Variants in TUBA1C observed in about 807,000 individuals in gnomAD.
TUBA1C encodes tubulin alpha 1c.
In TUBA1C, 16 loss-of-function variants were observed where a neutral mutation model predicts 34.9. That is an observed-to-expected ratio of 0.46 (90% CI 0.31 to 0.70). The LOEUF is 0.70. Ranked by LOEUF, TUBA1C falls within the 30% of genes least tolerant of loss-of-function variation. The probability of loss-of-function intolerance (pLI) is 0.05; values close to 1 mark genes in which losing one functional copy is unlikely to be tolerated. For synonymous variants in TUBA1C, 177 were observed against 215.9 expected (o/e 0.82, Z 1.58); for missense variants, 329 against 587.3 (o/e 0.56, Z 4.55).
At chr12:49,257,212 G>A (rs1942793637) in intron 1 of TUBA1C, among the ~76,000 whole-genome samples, 1 of 151,840 alleles carries the variant, frequency 6.6e-6, no homozygotes, top group African/African-American at 2.4e-5. Flanking sequence ...AACCTCCTGA[G>A]GGAAGGGTTG....
At chr12:49,251,044 A>G (rs1942727254) in intron 1 of TUBA1C, among the ~76,000 whole-genome samples, 1 of 151,972 alleles carries the variant, frequency 6.6e-6, no homozygotes, top group Non-Finnish European at 1.5e-5. Context: ...CGTCTCAACC[A>G]AAATGTACAA....
intron 1 of TUBA1C, among the ~76,000 whole-genome samples, chr12:49,246,533 G>C (rs1000983127): frequency 6.6e-6 from 1 of 151,896 alleles, no homozygotes; most frequent in African/African-American, 2.4e-5. Context: ...CAATTAGCCG[G>C]GTGTGGTGGC....
chr12:49,272,578 T>C lies in TUBA1C; in HGVS notation c.701T>C (p.Ile234Thr), dbSNP rs1359390581. The change falls in exon 4 of 4, where the codon ATT (isoleucine) becomes ACT (threonine). Residue 234 changes from isoleucine to threonine, a missense_variant. Ile to Thr is a moderately conservative substitution (Grantham distance 89, BLOSUM62 -1). Transcript: ENST00000301072. ...AACCTTAACCGCCTTATTAGCCAGA[T>C]TGTGTCCTCCATCACTGCTTCCCTG... The part of the protein sequence containing the change: ...YTNLNRLISQ[I>T]VSSITASLRF... 8 of 1,607,988 alleles carry C rather than the reference T, an allele frequency of 5.0e-6. No individual in the cohort carries two copies. Among genetic ancestry groups the C allele is most frequent in the Non-Finnish European group, 6.8e-6 (8 of 1,177,450 alleles).
chr12:49,255,011 C>T (rs1942769273), intron 1 of TUBA1C, among the ~76,000 whole-genome samples: 1 of 152,144 alleles, frequency 6.6e-6, no homozygotes, highest in South Asian at 2.1e-4. Context: ...TCTCAAACTC[C>T]TGAGCTCAAG....
intron 1 of TUBA1C, among the ~76,000 whole-genome samples, chr12:49,235,146 C>T (rs1161941530): frequency 6.6e-6 from 1 of 151,096 alleles, no homozygotes; most frequent in Admixed American, 6.6e-5. Flanking sequence ...TTTGGGATTG[C>T]GTAATCAAAA....
chr12:49,229,617 A>G (rs923244804), intron 1 of TUBA1C, among the ~76,000 whole-genome samples: 3 of 152,150 alleles, frequency 2.0e-5, no homozygotes, highest in Non-Finnish European at 4.4e-5. Flanking sequence ...CTCCCCAAAG[A>G]AACCCCTGTT....
rs758520843 is a variant in TUBA1C at position 49,265,968 on chromosome 12, A to AC, written c.3+784_3+785insC. 5.9e-3 allele frequency among the ~76,000 whole-genome samples: 830 copies of AC among 140,650 alleles called. 10 individuals carry two copies. Among genetic ancestry groups the AC allele is most frequent in the Non-Finnish European group, 9.6e-3 (629 of 65,212 alleles). 92.3% of individuals were successfully genotyped at this position (140,650 alleles called of 152,430 possible). A position where few individuals can be genotyped will look rare whatever the true frequency, so the allele number is the denominator to read the frequency against. ...CCCCGTCTCTACTTTAAAAAAAAAA[A>AC]AAAACAAAAAAAAACGCTGGGCGTG... On this transcript the variant is annotated intron_variant, in intron 1 of 3. Transcript: ENST00000301072.
intron 1 of TUBA1C, among the ~76,000 whole-genome samples, chr12:49,231,022 T>C (rs901401821): frequency 1.3e-5 from 2 of 152,220 alleles, no homozygotes; most frequent in Non-Finnish European, 2.9e-5. Context: ...GCTGCTGTCA[T>C]TGTTATTTAG....
In TUBA1C at chr12:49,272,741, A is replaced by G; in HGVS notation, c.864A>G (p.Val288=). Residue 288 remains valine, a synonymous_variant, in exon 4 of 4, where the codon GTA becomes GTG. Transcript: ENST00000301072. ...AEKAYHEQLT[V]AEITNACFEP... ...AAGCCTACCACGAACAGCTTACTGTAGCAGAGATCACCAATGCTTGCTTTG... is the reference window on the plus strand; with the variant it reads ...AAGCCTACCACGAACAGCTTACTGTGGCAGAGATCACCAATGCTTGCTTTG... 1 of 1,613,496 alleles carries G rather than the reference A, an allele frequency of 6.2e-7. No individual in the cohort carries two copies. Among genetic ancestry groups the G allele is most frequent in the Non-Finnish European group, 8.5e-7 (1 of 1,179,992 alleles).
At position 49,269,462 on chromosome 12, in the gene TUBA1C, C is replaced by T; in HGVS notation, c.4-3C>T. On this transcript the variant is annotated splice_region_variant and splice_polypyrimidine_tract_variant and intron_variant, in intron 1 of 3. Coordinates refer to ENST00000301072, the MANE Select transcript of TUBA1C (RefSeq NM_032704.5). ...CTGACATTTTCCTTTCTTCCTCCCA[C>T]AGCGTGAGTGCATCTCCATCCACGT... The T allele has an allele frequency of 6.2e-7, 1 of 1,614,202 alleles. No homozygotes were observed. The highest frequency in any genetic ancestry group is 8.5e-7 in the Non-Finnish European group (1 of 1,180,044).
intron 3 of TUBA1C, among the ~76,000 whole-genome samples, chr12:49,270,773 G>T (rs994300830): frequency 7.2e-5 from 11 of 152,142 alleles, no homozygotes; most frequent in African/African-American, 2.7e-4. Context: ...GAGGTCAGGA[G>T]ATCGAGACCA....
chr12:49,247,665 C>T (rs1048141935), intron 1 of TUBA1C, among the ~76,000 whole-genome samples: 2 of 151,924 alleles, frequency 1.3e-5, no homozygotes, highest in African/African-American at 4.8e-5. Flanking sequence ...AAAGTAAAAT[C>T]GGCTGGGCAT....
chr12:49,264,005 G>A (rs997507684), upstream of TUBA1C, among the ~76,000 whole-genome samples: 4 of 152,056 alleles, frequency 2.6e-5, no homozygotes, highest in African/African-American at 7.2e-5. Context: ...CGGATCACGA[G>A]GTCAAGAGAT....
chr12:49,228,794 G>C (rs1942465183), intron 1 of TUBA1C, among the ~76,000 whole-genome samples: 1 of 152,212 alleles, frequency 6.6e-6, no homozygotes, highest in Admixed American at 6.5e-5. Flanking sequence ...CAATTTACAA[G>C]TCTCTGTTCC....
At chr12:49,264,947 C>T (rs1942883355), upstream of TUBA1C, 2 of 456,002 alleles carry the variant, frequency 4.4e-6, no homozygotes. Context: ...CGCCCCCACT[C>T]CGCGGGTGCG....
intron 1 of TUBA1C, among the ~76,000 whole-genome samples, chr12:49,253,399 G>A (rs1375413754): frequency 1.3e-5 from 2 of 152,164 alleles, no homozygotes; most frequent in African/African-American, 4.8e-5. Flanking sequence ...GCACACGTGG[G>A]CGTGTCAATG....
intron 1 of TUBA1C, among the ~76,000 whole-genome samples, chr12:49,237,832 G>A (rs866364113): frequency 1.4e-4 from 21 of 151,674 alleles, no homozygotes; most frequent in African/African-American, 4.6e-4. Context: ...GAAGAAACCA[G>A]GTGCAGTGGC....
At chr12:49,236,837 T>C (rs2136989554) in intron 1 of TUBA1C, among the ~76,000 whole-genome samples, 1 of 152,290 alleles carries the variant, frequency 6.6e-6, no homozygotes, top group African/African-American at 2.4e-5. Context: ...TATCTAAACA[T>C]AGCTAAACAG....
At chr12:49,266,849 G>T (rs183161235) in intron 1 of TUBA1C, among the ~76,000 whole-genome samples, 126 of 152,228 alleles carry the variant, frequency 8.3e-4, no homozygotes, top group African/African-American at 2.9e-3. Flanking sequence ...ATACGTACAT[G>T]AATTTAAATA....
Sources: gnomAD v4.1 joint callset for allele counts (sites outside exome capture counted in the v4.1 genomes callset) on GRCh38, gnomAD v4.1.1 for gene constraint, MANE v1.5 for transcripts, NCBI Gene and HGNC (gene_info 2026-07-23, HGNC 2026-07-21) for gene names.